DOCK7: variants seen among roughly 807,000 people sequenced by gnomAD.
DOCK7 encodes the protein dedicator of cytokinesis 7, also known as dedicator of cytokinesis protein 7.
In DOCK7, 138 loss-of-function variants were observed where a neutral mutation model predicts 271.0. The observed-to-expected ratio is 0.51, with a 90% CI of 0.44 to 0.59. DOCK7 has a LOEUF of 0.59. DOCK7 is among the 20% of genes least tolerant of loss of function. The pLI, the probability that DOCK7 is intolerant of heterozygous loss-of-function variation, is 0.00. For synonymous variants in DOCK7, 823 were observed against 876.1 expected (o/e 0.94, Z 1.07); for missense variants, 2,066 against 2,592.4 (o/e 0.80, Z 4.41).
chr1:62,480,825 C>A (rs1451731407), intron 43 of DOCK7, among the ~76,000 whole-genome samples: 1 of 151,964 alleles, frequency 6.6e-6, no homozygotes, highest in African/African-American at 2.4e-5. Context: ...CTGGCTAACA[C>A]GGTGAAACCC....
At chr1:62,490,422 T>C (rs1274271735) in intron 41 of DOCK7, among the ~76,000 whole-genome samples, 1 of 152,092 alleles carries the variant, frequency 6.6e-6, no homozygotes, top group Non-Finnish European at 1.5e-5. Flanking sequence ...AATAATGGAT[T>C]GGTGCTGTAG....
chr1:62,687,372 C>T (rs879510712), intron 1 of DOCK7, among the ~76,000 whole-genome samples: 2 of 152,202 alleles, frequency 1.3e-5, no homozygotes, highest in Non-Finnish European at 2.9e-5. Context: ...AAACCTCCAC[C>T]TCAATCACTT....
At chr1:62,608,972 T>C (rs968574431) in intron 14 of DOCK7, 2 of 152,236 alleles carry the variant, frequency 1.3e-5, no homozygotes, top group Non-Finnish European at 2.9e-5. Context: ...TACCTTCTGC[T>C]GTAGGATAAT....
At chr1:62,506,120 G>C (rs1457012837) in intron 35 of DOCK7, among the ~76,000 whole-genome samples, 7 of 152,220 alleles carry the variant, frequency 4.6e-5, no homozygotes, top group African/African-American at 1.7e-4. Flanking sequence ...TTGACTTGAG[G>C]TTCATGTAGA....
Position 62,680,404 on chromosome 1 carries a change from CTTACATG to C in DOCK7, c.38+7816_38+7822del, listed in dbSNP as rs1660984179. On this transcript the variant is annotated intron_variant, in intron 1 of 49. Coordinates refer to ENST00000635253, the MANE Select transcript of DOCK7 (RefSeq NM_001367561.1). ...AACTGAATTCAAGATGGATTAAAGA[CTTACATG>C]TTAAACCTAAAACCATAAAAACCCT... 3.3e-5 allele frequency among the ~76,000 whole-genome samples: 5 copies of C among 152,234 alleles called. No individual in the cohort carries two copies. In the South Asian group the frequency reaches 1.0e-3, roughly 32 times the overall value.
intron 2 of DOCK7, among the ~76,000 whole-genome samples, chr1:62,661,973 T>C (rs1658715457): frequency 6.6e-6 from 1 of 152,186 alleles, no homozygotes; most frequent in South Asian, 2.1e-4. Context: ...TTCTAAAATT[T>C]CTGCAATTAG....
At chr1:62,526,821 C>T (rs939793976) in intron 31 of DOCK7, among the ~76,000 whole-genome samples, 1 of 152,090 alleles carries the variant, frequency 6.6e-6, no homozygotes, top group Non-Finnish European at 1.5e-5. Flanking sequence ...AATACAAACA[C>T]AAAAGATCAT....
At chr1:62,590,060 C>T (rs1259236178) in intron 14 of DOCK7, among the ~76,000 whole-genome samples, 3 of 151,524 alleles carry the variant, frequency 2.0e-5, no homozygotes, top group Admixed American at 2.0e-4. Flanking sequence ...ACATGGAAAC[C>T]AAAGGAAGAA....
intron 2 of DOCK7, among the ~76,000 whole-genome samples, chr1:62,657,908 A>T (rs1658215230): frequency 6.6e-6 from 1 of 152,112 alleles, no homozygotes; most frequent in African/African-American, 2.4e-5. Flanking sequence ...CAAAAATAAA[A>T]AACATCTTCA....
chr1:62,663,198 A>T, intron 1 of DOCK7, 68 bp from the exon 2 acceptor site: 2 of 1,242,568 alleles, frequency 1.6e-6, no homozygotes, highest in East Asian at 2.3e-5. Flanking sequence ...TTTAAAATGG[A>T]GGGAAGCTAA....
chr1:62,540,140 T>G (rs1165950938), intron 25 of DOCK7, among the ~76,000 whole-genome samples: 1 of 151,570 alleles, frequency 6.6e-6, no homozygotes, highest in Non-Finnish European at 1.5e-5. Flanking sequence ...ATTCTGTGTA[T>G]GTCAACAAAA....
intron 31 of DOCK7, among the ~76,000 whole-genome samples, chr1:62,523,176 G>T (rs1644902340): frequency 6.6e-6 from 1 of 151,988 alleles, no homozygotes; most frequent in Admixed American, 6.6e-5. Context: ...TATTTTAGTG[G>T]AACTTTACAA....
chr1:62,557,672 AT>A (rs1262165817), intron 20 of DOCK7, among the ~76,000 whole-genome samples: 1 of 149,782 alleles, frequency 6.7e-6, no homozygotes, highest in Non-Finnish European at 1.5e-5. Context: ...TCAAATATAA[AT>A]AAAGCACATA....
At chr1:62,460,526 A>G (rs1424517893) in intron 48 of DOCK7, among the ~76,000 whole-genome samples, 1 of 152,080 alleles carries the variant, frequency 6.6e-6, no homozygotes, top group Non-Finnish European at 1.5e-5. Flanking sequence ...TAACATATTA[A>G]ACTTGTCTTC....
chr1:62,533,708 TTC>T (rs1645249133), intron 29 of DOCK7, among the ~76,000 whole-genome samples: 1 of 152,186 alleles, frequency 6.6e-6, no homozygotes, highest in Admixed American at 6.5e-5. Context: ...ACACATGTCT[TTC>T]ACTTGCAGAT....
rs184491818 is a variant in DOCK7, at chr1:62,549,267, C to T, written c.2766+3465G>A. Among the ~76,000 whole-genome samples, 19 of 152,164 alleles carry T rather than the reference C, an allele frequency of 1.2e-4. No individual in the cohort carries two copies. The East Asian group carries it at 1.7e-3, about 14-fold the overall frequency. ...AAGCTGCTGGTAGGTAAAAGTAAGC[C>T]GAGTTCTGAAAATTAACCACTGGAT... is the stretch of plus-strand genomic sequence containing the variant. On this transcript the variant is annotated intron_variant, in intron 22 of 49. Transcript: ENST00000635253.
intron 16 of DOCK7, 47 bp downstream of exon 16, chr1:62,583,137 G>T: frequency 6.9e-7 from 1 of 1,459,176 alleles, no homozygotes; most frequent in Non-Finnish European, 9.6e-7. Flanking sequence ...TGCTAACAAT[G>T]CCACTGAGAA....
chr1:62,577,278 G>A lies in DOCK7; in HGVS notation c.2096C>T (p.Ser699Phe). The change falls in exon 18 of 50, where the codon TCT becomes TTT. Residue 699 changes from serine to phenylalanine, a missense_variant. Transcript: ENST00000635253. ...VSLEKPPQAY[S>F]VLSPEVPLPG... Reference sequence around the variant, plus strand: ...GACACTGACCTCAGGAGACAGTACAGAATAAGCCTGTGGTGGTTTTTCCAA... The same window carrying A: ...GACACTGACCTCAGGAGACAGTACAAAATAAGCCTGTGGTGGTTTTTCCAA... 1 of 1,587,114 alleles carries A rather than the reference G, an allele frequency of 6.3e-7. No individual in the cohort carries two copies. The highest frequency in any genetic ancestry group is 8.6e-7 in the Non-Finnish European group (1 of 1,163,978).
chr1:62,672,238 A>G (rs559841957), intron 1 of DOCK7, among the ~76,000 whole-genome samples: 6 of 152,284 alleles, frequency 3.9e-5, no homozygotes, highest in Admixed American at 3.9e-4. Flanking sequence ...GACATCATAC[A>G]ATAATCATTT....
Sources: gnomAD v4.1 joint callset for allele counts (sites outside exome capture counted in the v4.1 genomes callset) on GRCh38, gnomAD v4.1.1 for gene constraint, MANE v1.5 for transcripts, NCBI Gene and HGNC (gene_info 2026-07-23, HGNC 2026-07-21) for gene names.